Variants in ADAMTS17 observed in about 807,000 individuals in gnomAD.
ADAMTS17 encodes A disintegrin and metalloproteinase with thrombospondin motifs 17.
A neutral mutation model predicts 141.5 loss-of-function variants in ADAMTS17; 113 were observed. The observed-to-expected ratio is 0.80, with a 90% confidence interval of 0.69 to 0.93. ADAMTS17 has a LOEUF of 0.93. ADAMTS17 is among the 40% of genes least tolerant of loss of function. The probability of loss-of-function intolerance (pLI) is 0.00; values close to 1 mark genes in which losing one functional copy is unlikely to be tolerated. For missense variants in ADAMTS17, 1,659 were observed against 1,517.9 expected, an observed-to-expected ratio of 1.09 and a Z score of -1.54; for synonymous variants, 768 against 630.6, an observed-to-expected ratio of 1.22 and a Z score of -3.27.
chr15:100,133,742 G>A lies in ADAMTS17; in HGVS notation c.1474-427C>T, dbSNP rs75979884. 6.6e-3 allele frequency among the ~76,000 whole-genome samples: 1,001 copies of A among 152,294 alleles called. 12 individuals carry two copies. Among genetic ancestry groups the A allele is most frequent in the African/African-American group, 0.023 (952 of 41,560 alleles). On this transcript the variant is annotated intron_variant, in intron 10 of 21. Coordinates refer to ENST00000268070, the MANE Select transcript of ADAMTS17 (RefSeq NM_139057.4). Reference sequence around the variant, plus strand: ...CATCAGGGAGGGCTTGCTGGAAGAGGCAACTCTGAAGTCAAGGCCAGATGG... The same window carrying A: ...CATCAGGGAGGGCTTGCTGGAAGAGACAACTCTGAAGTCAAGGCCAGATGG...
intron 14 of ADAMTS17, among the ~76,000 whole-genome samples, chr15:100,104,899 T>C (rs899130243): frequency 1.3e-5 from 2 of 152,246 alleles, no homozygotes; most frequent in African/African-American, 4.8e-5. Context: ...TATATTTGAA[T>C]TGAATTTGTG....
At chr15:99,984,333 C>T (rs532819917) in intron 20 of ADAMTS17, among the ~76,000 whole-genome samples, 1 of 152,286 alleles carries the variant, frequency 6.6e-6, no homozygotes, top group South Asian at 2.1e-4. Context: ...TGCTTCCCAC[C>T]ATCCACTGCA....
chr15:100,119,853 A>C (rs553460070), intron 12 of ADAMTS17, among the ~76,000 whole-genome samples: 1 of 152,170 alleles, frequency 6.6e-6, no homozygotes, highest in Admixed American at 6.5e-5. Context: ...CCCTCTGTCC[A>C]TCTTTGAGGC....
chr15:100,300,075 G>A (rs2044974622), intron 3 of ADAMTS17, among the ~76,000 whole-genome samples: 2 of 152,158 alleles, frequency 1.3e-5, no homozygotes, highest in Admixed American at 1.3e-4. Context: ...GGATTAGCAA[G>A]CAACAACAAA....
rs567926341 is a variant in ADAMTS17 at position 100,212,902 on chromosome 15, G to A, written c.1076-13479C>T. On this transcript the variant is annotated intron_variant, in intron 7 of 21. Coordinates refer to ENST00000268070, the MANE Select transcript of ADAMTS17 (RefSeq NM_139057.4). ...GCCAAGGTAATGCATAGGGTGACGCGTACCTTTTTGTCAATCAGGTGCACG... is the reference window on the plus strand; with the variant it reads ...GCCAAGGTAATGCATAGGGTGACGCATACCTTTTTGTCAATCAGGTGCACG... Among the ~76,000 whole-genome samples the A allele has an allele frequency of 2.0e-4, 31 of 152,020 alleles. No homozygotes were observed. The South Asian group carries it at 2.3e-3, about 11-fold the overall frequency.
chr15:100,254,068 C>A (rs1206588868), intron 7 of ADAMTS17, 68 bp downstream of exon 7: 3 of 1,495,384 alleles, frequency 2.0e-6, no homozygotes, highest in Non-Finnish European at 2.8e-6. Flanking sequence ...TCCACTGTGA[C>A]CAGGAAGTCT....
Position 100,220,440 on chromosome 15 carries a change from G to A in ADAMTS17, c.1076-21017C>T, listed in dbSNP as rs572477088. On this transcript the variant is annotated intron_variant, in intron 7 of 21. Coordinates refer to ENST00000268070, the MANE Select transcript of ADAMTS17 (RefSeq NM_139057.4). Reference sequence around the variant, plus strand: ...AGTAGAAATAACAGTAACATGATCAGCTCTAGTCCCTCCACTTAGATGTAA... The same window carrying A: ...AGTAGAAATAACAGTAACATGATCAACTCTAGTCCCTCCACTTAGATGTAA... 3.9e-5 allele frequency among the ~76,000 whole-genome samples: 6 copies of A among 152,262 alleles called. No homozygotes were observed. In the South Asian group the frequency reaches 1.0e-3, roughly 26 times the overall value.
At position 100,108,970 on chromosome 15, in the gene ADAMTS17, C is replaced by T. The variant is rs187524556; in HGVS notation, c.2016+19G>A. The T allele has an allele frequency of 1.4e-4, 226 of 1,613,300 alleles. No homozygotes were observed. The highest frequency in any genetic ancestry group is 1.2e-4 in the Admixed American group (7 of 60,022). On this transcript the variant is annotated intron_variant, in intron 14 of 21. Transcript: ENST00000268070. ...TCCTCTCCAAAGCCCCACCAAGGAC[C>T]GAAGGAGAAGTACGTCACCTGGCAC...
intron 18 of ADAMTS17, among the ~76,000 whole-genome samples, chr15:100,009,024 G>C (rs1183477442): frequency 6.6e-6 from 1 of 152,256 alleles, no homozygotes; most frequent in Admixed American, 6.5e-5. Context: ...ATTTTCTGTA[G>C]AGACAAGGTC....
At chr15:100,299,572 T>C (rs74039219) in intron 3 of ADAMTS17, among the ~76,000 whole-genome samples, 15,446 of 150,752 alleles carry the variant, frequency 0.1, 1,249 homozygotes, top group East Asian at 0.31. Context: ...AATTAATTAA[T>C]GTGTTCACGT....
intron 12 of ADAMTS17, among the ~76,000 whole-genome samples, chr15:100,125,451 C>T (rs894343618): frequency 5.9e-5 from 9 of 152,164 alleles, no homozygotes; most frequent in East Asian, 1.9e-4. Context: ...GCAGGCTAGC[C>T]GCCTTCCTCT....
intron 18 of ADAMTS17, among the ~76,000 whole-genome samples, chr15:100,001,052 G>C (rs965264133): frequency 6.6e-6 from 1 of 151,896 alleles, no homozygotes; most frequent in Admixed American, 6.6e-5. Context: ...ATAGAGGGAA[G>C]AACACCAGAA....
At chr15:100,240,077 G>C (rs1460973484) in intron 7 of ADAMTS17, among the ~76,000 whole-genome samples, 3 of 152,188 alleles carry the variant, frequency 2.0e-5, no homozygotes, top group African/African-American at 7.2e-5. Context: ...ACCGGGATCA[G>C]CATGGGGGGA....
intron 20 of ADAMTS17, among the ~76,000 whole-genome samples, chr15:99,978,281 C>G (rs1208006698): frequency 6.6e-6 from 1 of 152,196 alleles, no homozygotes; most frequent in Non-Finnish European, 1.5e-5. Flanking sequence ...CCTTGCCTGA[C>G]AAGCAGGTTC....
chr15:100,232,509 C>T (rs1200771169), intron 7 of ADAMTS17, among the ~76,000 whole-genome samples: 1 of 152,192 alleles, frequency 6.6e-6, no homozygotes, highest in Non-Finnish European at 1.5e-5. Context: ...AGTAAACCCA[C>T]CTTCTTCTTA....
intron 3 of ADAMTS17, among the ~76,000 whole-genome samples, chr15:100,292,926 T>A (rs912169638): frequency 6.6e-6 from 1 of 152,140 alleles, no homozygotes; most frequent in South Asian, 2.1e-4. Context: ...ACTTCCCAAA[T>A]AAAAACACCA....
At chr15:99,975,324 C>G (rs924996901) in intron 21 of ADAMTS17, among the ~76,000 whole-genome samples, 1 of 152,232 alleles carries the variant, frequency 6.6e-6, no homozygotes, top group Admixed American at 6.5e-5. Context: ...ATTCTCCTGC[C>G]TCAGTCACCT....
rs538262497 is a variant in ADAMTS17, at chr15:99,972,347, A to C, written c.*2055T>G. 1.1e-4 allele frequency: 17 copies of C among 152,196 alleles called. No homozygotes were observed. The highest frequency in any genetic ancestry group is 3.9e-4 in the African/African-American group (16 of 41,536). 9.4% of individuals were successfully genotyped at this position (152,196 alleles called of 1,614,324 possible). A position where few individuals can be genotyped will look rare whatever the true frequency, so the allele number is the denominator to read the frequency against. On this transcript the variant is annotated 3_prime_UTR_variant, in exon 22 of 22. Transcript: ENST00000268070. ...GGGGTATCTGACAATAACCCAATCA[A>C]TCCTTTTCATTCTGAGGGTGTGGGG...
At chr15:100,159,973 T>C (rs986418968) in intron 8 of ADAMTS17, among the ~76,000 whole-genome samples, 1 of 152,322 alleles carries the variant, frequency 6.6e-6, no homozygotes, top group Non-Finnish European at 1.5e-5. Flanking sequence ...GAAAATCATC[T>C]GGGAACTTAC....
Sources: gnomAD v4.1 joint callset for allele counts (sites outside exome capture counted in the v4.1 genomes callset) on GRCh38, gnomAD v4.1.1 for gene constraint, MANE v1.5 for transcripts, NCBI Gene and HGNC (gene_info 2026-07-23, HGNC 2026-07-21) for gene names.